KCNB2: variants seen among roughly 807,000 people sequenced by gnomAD.
The protein encoded by KCNB2 is delayed rectifier potassium channel protein.
A neutral mutation model predicts 61.5 loss-of-function variants in KCNB2; 15 were observed. The observed-to-expected ratio is 0.24, with a 90% CI of 0.16 to 0.38. The LOEUF is 0.38. Among genes scored for constraint, KCNB2 ranks in the 10% least tolerant of loss-of-function variants. The pLI is 1.00. For missense variants in KCNB2, 828 were observed against 1,125.2 expected, an observed-to-expected ratio of 0.74 and a Z score of 3.78; for synonymous variants, 457 against 446.0, an observed-to-expected ratio of 1.02 and a Z score of -0.31.
intron 2 of KCNB2, among the ~76,000 whole-genome samples, chr8:72,777,586 G>GT (rs1358797070): frequency 6.6e-6 from 1 of 152,152 alleles, no homozygotes; most frequent in South Asian, 2.1e-4. Context: ...TTGCCACCAT[G>GT]TTTTTTCTAA....
intron 2 of KCNB2, among the ~76,000 whole-genome samples, chr8:72,678,235 A>G (rs933243386): frequency 3.9e-5 from 6 of 152,212 alleles, no homozygotes; most frequent in Admixed American, 3.3e-4. Context: ...TTATTGCAAG[A>G]TCATCCTAAC....
intron 2 of KCNB2, among the ~76,000 whole-genome samples, chr8:72,885,151 T>C (rs1163231562): frequency 6.6e-6 from 1 of 152,120 alleles, no homozygotes; most frequent in East Asian, 1.9e-4. Context: ...CATTAATAGA[T>C]TTTAAAATAT....
intron 2 of KCNB2, among the ~76,000 whole-genome samples, chr8:72,920,471 A>ATGTGTGTG (rs1323200698): frequency 0.011 from 463 of 41,668 alleles, 12 homozygotes; most frequent in Middle Eastern, 0.069. Flanking sequence ...CTATCTATCT[A>ATGTGTGTG]TCTATATATA....
chr8:72,818,818 T>G (rs1029174031), intron 2 of KCNB2, among the ~76,000 whole-genome samples: 5 of 152,118 alleles, frequency 3.3e-5, no homozygotes, highest in Admixed American at 6.5e-5. Context: ...TTCTCATATT[T>G]AATTAATCAC....
At chr8:72,709,783 T>C (rs1807294967) in intron 2 of KCNB2, among the ~76,000 whole-genome samples, 1 of 152,076 alleles carries the variant, frequency 6.6e-6, no homozygotes, top group Non-Finnish European at 1.5e-5. Flanking sequence ...CATATCACCT[T>C]CTTAAATAAC....
chr8:72,587,117 A>G (rs1389755966), intron 2 of KCNB2, among the ~76,000 whole-genome samples: 2 of 152,198 alleles, frequency 1.3e-5, no homozygotes, highest in African/African-American at 4.8e-5. Context: ...CTCAGTATGT[A>G]TAGACTGGAT....
At chr8:72,710,366 A>C (rs1226240650) in intron 2 of KCNB2, among the ~76,000 whole-genome samples, 1 of 152,146 alleles carries the variant, frequency 6.6e-6, no homozygotes, top group Non-Finnish European at 1.5e-5. Flanking sequence ...AATAATCCCC[A>C]AATAGGAAAC....
chr8:72,767,127 G>A lies in KCNB2; in HGVS notation c.580-168808G>A, dbSNP rs1808472495. Reference sequence around the variant, plus strand: ...CCCTGGGTCCCTCCCACAACATGTGGGAATTCTGGGAGATACAATTCAAGT... The same window carrying A: ...CCCTGGGTCCCTCCCACAACATGTGAGAATTCTGGGAGATACAATTCAAGT... On this transcript the variant is annotated intron_variant, in intron 2 of 2. Transcript: ENST00000523207. 5.9e-5 allele frequency among the ~76,000 whole-genome samples: 9 copies of A among 152,136 alleles called. No homozygotes were observed. In the South Asian group the frequency reaches 1.7e-3, roughly 28 times the overall value.
intron 1 of KCNB2, among the ~76,000 whole-genome samples, chr8:72,550,284 T>C (rs1271503870): frequency 1.3e-5 from 2 of 152,250 alleles, no homozygotes; most frequent in East Asian, 1.9e-4. Flanking sequence ...TCTTATACTC[T>C]AACTGGCTGG....
chr8:72,900,836 A>G (rs1296128185), intron 2 of KCNB2, among the ~76,000 whole-genome samples: 1 of 152,096 alleles, frequency 6.6e-6, no homozygotes, highest in African/African-American at 2.4e-5. Context: ...TAAAAAGTCA[A>G]ATATTAACCA....
chr8:72,808,662 A>G (rs538883747), intron 2 of KCNB2, among the ~76,000 whole-genome samples: 52 of 152,286 alleles, frequency 3.4e-4, no homozygotes, highest in African/African-American at 1.2e-3. Flanking sequence ...TTCTAATACC[A>G]TTGAGGATTA....
intron 2 of KCNB2, among the ~76,000 whole-genome samples, chr8:72,841,546 T>C (rs1809887848): frequency 6.6e-6 from 1 of 152,096 alleles, no homozygotes; most frequent in Admixed American, 6.5e-5. Context: ...TTCACGATAT[T>C]GATTCTTCCT....
intron 2 of KCNB2, among the ~76,000 whole-genome samples, chr8:72,741,436 A>G (rs983028858): frequency 6.6e-6 from 1 of 152,058 alleles, no homozygotes; most frequent in Non-Finnish European, 1.5e-5. Flanking sequence ...TATTATTTCA[A>G]TAGATTTGAA....
At chr8:72,561,766 T>C (rs1267053980) in intron 1 of KCNB2, among the ~76,000 whole-genome samples, 24 of 31,646 alleles carry the variant, frequency 7.6e-4, no homozygotes, top group South Asian at 1.5e-3. Context: ...TATATGGATA[T>C]ATATATATAT....
chr8:72,636,602 G>A (rs1034787153), intron 2 of KCNB2, among the ~76,000 whole-genome samples: 2 of 152,084 alleles, frequency 1.3e-5, no homozygotes, highest in Non-Finnish European at 1.5e-5. Context: ...TTGGAAATAC[G>A]TGGCTCAGAG....
At position 72,653,036 on chromosome 8, in the gene KCNB2, C is replaced by T. The variant is rs74709662; in HGVS notation, c.579+84723C>T. 2.0e-3 allele frequency among the ~76,000 whole-genome samples: 305 copies of T among 152,274 alleles called. 1 individual carries two copies. The highest frequency in any genetic ancestry group is 7.0e-3 in the African/African-American group (290 of 41,558). On this transcript the variant is annotated intron_variant, in intron 2 of 2. Transcript: ENST00000523207. ...GCTTTTGGCTGCATACCTCCAATCT[C>T]TGCCTCTGTCTTCACATGGCCTGTC...
At chr8:72,568,408 C>A in intron 2 of KCNB2, 95 bp downstream of exon 2, 1 of 1,060,632 alleles carries the variant, frequency 9.4e-7, no homozygotes, top group Non-Finnish European at 1.4e-6. Flanking sequence ...TTTGGTAACA[C>A]AGAACAAAGT....
At chr8:72,738,000 G>T (rs1807879305) in intron 2 of KCNB2, among the ~76,000 whole-genome samples, 2 of 152,106 alleles carry the variant, frequency 1.3e-5, no homozygotes, top group African/African-American at 2.4e-5. Context: ...TATAATCCAA[G>T]AATTTCCAGA....
intron 2 of KCNB2, among the ~76,000 whole-genome samples, chr8:72,894,708 A>G (rs887596097): frequency 3.9e-5 from 6 of 152,172 alleles, no homozygotes; most frequent in African/African-American, 1.4e-4. Flanking sequence ...TCTAAACTCC[A>G]TTTCCCAATA....
Sources: gnomAD v4.1 joint callset for allele counts (sites outside exome capture counted in the v4.1 genomes callset) on GRCh38, gnomAD v4.1.1 for gene constraint, MANE v1.5 for transcripts, NCBI Gene and HGNC (gene_info 2026-07-23, HGNC 2026-07-21) for gene names.